ABR: variants seen among roughly 807,000 people sequenced by gnomAD.
The protein encoded by ABR is active breakpoint cluster region-related protein.
A neutral mutation model predicts 107.2 loss-of-function variants in ABR; 35 were observed. The ratio of observed to expected loss-of-function variants is 0.33; its 90% CI spans 0.25 to 0.43. The LOEUF (loss-of-function observed/expected upper bound fraction) is 0.43. ABR is among the 20% of genes least tolerant of loss of function. ABR has a pLI of 1.00. For missense variants in ABR, 815 were observed against 1,115.2 expected (o/e 0.73, Z 3.83); for synonymous variants, 498 against 462.0 (o/e 1.08, Z -1.00).
intron 1 of ABR, among the ~76,000 whole-genome samples, chr17:1,156,755 A>G (rs2041061132): frequency 6.6e-6 from 1 of 152,182 alleles, no homozygotes; most frequent in Non-Finnish European, 1.5e-5. Flanking sequence ...GTGAATAGTG[A>G]GTTCCACTAC....
At chr17:1,128,069 C>T (rs1327149951) in intron 1 of ABR, among the ~76,000 whole-genome samples, 1 of 152,214 alleles carries the variant, frequency 6.6e-6, no homozygotes, top group Non-Finnish European at 1.5e-5. Flanking sequence ...GAGCTGAACG[C>T]AGGGGGCCTG....
chr17:1,083,672 G>T (rs766393035), intron 4 of ABR, 45 bp from the exon 5 acceptor site: 15 of 1,434,440 alleles, frequency 1.0e-5, no homozygotes, highest in Admixed American at 8.4e-5. Flanking sequence ...GGGTGGGAGG[G>T]GAGAGGATTA....
At chr17:1,124,673 G>T (rs58359802) in intron 2 of ABR, among the ~76,000 whole-genome samples, 2 of 152,102 alleles carry the variant, frequency 1.3e-5, no homozygotes, top group Non-Finnish European at 2.9e-5. Flanking sequence ...AACAAGGAGA[G>T]GTGGATGCCA....
rs980965427 is a variant in ABR at position 1,027,947 on chromosome 17, C to T, written c.1792-14783G>A. Among the ~76,000 whole-genome samples, 3 of 152,106 alleles carry T rather than the reference C, an allele frequency of 2.0e-5. No homozygotes were observed. Among genetic ancestry groups the T allele is most frequent in the East Asian group, 3.9e-4 (2 of 5,176 alleles). ...CTTGTACCCAGCACCTGTGTACCCT[C>T]GATGGCCAAGTGAGTGGTAGAGTGA... is the stretch of plus-strand genomic sequence containing the variant. On this transcript the variant is annotated intron_variant, in intron 16 of 22. Transcript: ENST00000302538. The surrounding 1 kb of genome is among the most constrained non-coding windows in gnomAD (Gnocchi z 4.7).
At chr17:1,199,609 C>T (rs1050805798) in intron 1 of ABR, among the ~76,000 whole-genome samples, 3 of 151,516 alleles carry the variant, frequency 2.0e-5, no homozygotes, top group Non-Finnish European at 2.9e-5. Context: ...CCACCACGCC[C>T]GGCTAATTTT....
At chr17:1,066,914 C>T (rs2034799988) in intron 10 of ABR, among the ~76,000 whole-genome samples, 163 bp downstream of exon 10, 1 of 152,114 alleles carries the variant, frequency 6.6e-6, no homozygotes, top group African/African-American at 2.4e-5. Context: ...TGAGCACTGA[C>T]CCCCTCGATC....
chr17:1,081,443 GACA>G (rs2036232073), intron 5 of ABR, among the ~76,000 whole-genome samples: 1 of 152,148 alleles, frequency 6.6e-6, no homozygotes, highest in South Asian at 2.1e-4. Context: ...GGCAGAGGGT[GACA>G]CATCTGCTCC....
upstream of ABR, among the ~76,000 whole-genome samples, chr17:1,188,508 C>T (rs1265671722): frequency 3.3e-5 from 5 of 151,444 alleles, no homozygotes. Flanking sequence ...CAAGATCGCA[C>T]CACTGTACTC....
rs182440294 is a variant in ABR at position 1,091,027 on chromosome 17, A to C, written c.531+638T>G. On this transcript the variant is annotated intron_variant, in intron 4 of 22. Coordinates refer to ENST00000302538, the MANE Select transcript of ABR (RefSeq NM_021962.5). ...GAACGTTTCCCAACACGAGGTCTGC[A>C]TGTTAACCCACCCACTCCTGCCGCT... is the stretch of plus-strand genomic sequence containing the variant. 1.9e-3 allele frequency among the ~76,000 whole-genome samples: 295 copies of C among 152,292 alleles called. 1 individual carries two copies. The highest frequency in any genetic ancestry group is 6.8e-3 in the African/African-American group (283 of 41,566).
chr17:1,080,270 G>A (rs887414138), intron 5 of ABR, among the ~76,000 whole-genome samples: 11 of 152,056 alleles, frequency 7.2e-5, no homozygotes, highest in Admixed American at 2.6e-4. Flanking sequence ...CTGGGGGTCC[G>A]AGAGGAAGCT....
chr17:1,180,049 C>CT (rs5818785), upstream of ABR, among the ~76,000 whole-genome samples: 72,769 of 113,212 alleles, frequency 0.64, 20,899 homozygotes, highest in African/African-American at 0.69. Context: ...GGGGGCGGGG[C>CT]TTTGGTGCGG....
Position 1,078,441 on chromosome 17 carries a change from T to C in ABR, c.700+889A>G, listed in dbSNP as rs552471794. Among the ~76,000 whole-genome samples the C allele has an allele frequency of 6.6e-6, 1 of 152,284 alleles. No individual in the cohort carries two copies. Among genetic ancestry groups the C allele is most frequent in the Admixed American group, 6.5e-5 (1 of 15,296 alleles). ...ACCATCGCCACCCATCGCCACGCTGTGCCTGGCCCCCGCAGACCCTCTCCC... is the reference window on the plus strand; with the variant it reads ...ACCATCGCCACCCATCGCCACGCTGCGCCTGGCCCCCGCAGACCCTCTCCC... On this transcript the variant is annotated intron_variant, in intron 6 of 22. Coordinates refer to ENST00000302538, the MANE Select transcript of ABR (RefSeq NM_021962.5). The surrounding 1 kb of genome is among the most constrained non-coding windows in gnomAD (Gnocchi z 7.5).
Position 1,179,612 on chromosome 17 carries a change from C to G in ABR, c.61+55G>C, listed in dbSNP as rs1310108662. The G allele has an allele frequency of 6.9e-7, 1 of 1,443,158 alleles. No homozygotes were observed. The highest frequency in any genetic ancestry group is 9.2e-7 in the Non-Finnish European group (1 of 1,088,328). 89.4% of individuals were successfully genotyped at this position (1,443,158 alleles called of 1,614,324 possible). On this transcript the variant is annotated intron_variant, in intron 1 of 22. Transcript: ENST00000302538. The surrounding 1 kb of genome is among the most constrained non-coding windows in gnomAD (Gnocchi z 4.9). ...ATCCCGATCCTGGGGTCCCGATCTC[C>G]ATCCTGGGGTCCCGATCCCGATCCT...
At chr17:1,056,859 G>T in intron 13 of ABR, 139 bp downstream of exon 13, 1 of 614,816 alleles carries the variant, frequency 1.6e-6, no homozygotes, top group Non-Finnish European at 3.0e-6. Context: ...GCTGTGTCCT[G>T]GCCACTCAAC....
At chr17:1,180,794 A>G (rs2042109368), upstream of ABR, among the ~76,000 whole-genome samples, 1 of 152,176 alleles carries the variant, frequency 6.6e-6, no homozygotes, top group Non-Finnish European at 1.5e-5. Flanking sequence ...AGGGCAGTGA[A>G]GAGATTGGGG....
chr17:1,035,235 C>A (rs1419687111), intron 16 of ABR, among the ~76,000 whole-genome samples: 3 of 151,646 alleles, frequency 2.0e-5, no homozygotes, highest in Admixed American at 1.3e-4. Context: ...CTGCAGCCCA[C>A]CACGGACCCC....
Position 1,072,643 on chromosome 17 carries a change from G to T in ABR, c.865C>A (p.Arg289=). 3.7e-6 allele frequency: 6 copies of T among 1,611,672 alleles called. No individual in the cohort carries two copies. Among genetic ancestry groups the T allele is most frequent in the Non-Finnish European group, 4.2e-6 (5 of 1,179,068 alleles). Residue 289 remains arginine (R), a synonymous_variant, in exon 8 of 23, where the codon CGG becomes AGG. Coordinates refer to ENST00000302538, the MANE Select transcript of ABR (RefSeq NM_021962.5). ...SSINEDIDPR[R]TAVTTPKGET... The stretch of plus-strand genomic sequence containing the variant: ...CCCTTGGGCGTTGTCACTGCAGTCC[G>T]GCGGGGGTCGATGTCCTCGTTGATG...
At chr17:1,087,106 G>A (rs1440838405) in intron 4 of ABR, among the ~76,000 whole-genome samples, 1 of 152,190 alleles carries the variant, frequency 6.6e-6, no homozygotes, top group African/African-American at 2.4e-5. Context: ...TTCATTAGAA[G>A]GTTCTGCTGT....
upstream of ABR, among the ~76,000 whole-genome samples, chr17:1,191,241 C>T (rs778000832): frequency 8.5e-5 from 13 of 152,094 alleles, no homozygotes; most frequent in African/African-American, 1.9e-4. Context: ...CAGCAGACGG[C>T]GGTTGGTCTG....
Sources: allele counts gnomAD v4.1 joint callset (sites outside exome capture counted in the v4.1 genomes callset), GRCh38; gene constraint gnomAD v4.1.1; non-coding constraint Gnocchi (gnomAD v3.1); transcripts MANE v1.5; gene names NCBI Gene and HGNC (gene_info 2026-07-23, HGNC 2026-07-21).